The following KANK1 variants were observed in gnomAD, a reference collection of about 807,000 sequenced individuals.
KANK1 encodes KN motif and ankyrin repeat domain-containing protein 1.
KANK1 carries 109 observed loss-of-function variants against 106.2 expected under a neutral mutation model. That is an observed-to-expected ratio of 1.03 (90% CI 0.88 to 1.20). The LOEUF is 1.20. Ranked by LOEUF, KANK1 falls within the 50% of genes most tolerant of loss-of-function variation. The probability of loss-of-function intolerance (pLI) is 0.00; values close to 1 mark genes in which losing one functional copy is unlikely to be tolerated. For synonymous variants in KANK1, 873 were observed against 652.2 expected, an observed-to-expected ratio of 1.34 and a Z score of -5.16; for missense variants, 2,399 against 1,710.7, an observed-to-expected ratio of 1.40 and a Z score of -7.10.
rs186142559 is a variant in KANK1, at chr9:493,846, C to T, written c.-362+20573C>T. Among the ~76,000 whole-genome samples the T allele has an allele frequency of 1.4e-3, 200 of 144,792 alleles. 2 individuals carry two copies. Among genetic ancestry groups the T allele is most frequent in the African/African-American group, 5.0e-3 (195 of 39,114 alleles). The allele number at this position is 144,792 out of a possible 152,430, so 95.0% of individuals were successfully genotyped here. A position where few individuals can be genotyped will look rare whatever the true frequency, so the allele number is the denominator to read the frequency against. ...ACAGGCATGAGCCACCGCGCCTGGC[C>T]GGCAATTTATGTAGCAATAAATACT... On this transcript the variant is annotated intron_variant, in intron 3 of 15. Coordinates refer to the KANK1 transcript ENST00000382303.
intron 1 of KANK1, among the ~76,000 whole-genome samples, chr9:522,063 G>C (rs1272168275): frequency 6.6e-6 from 1 of 151,588 alleles, no homozygotes; most frequent in Non-Finnish European, 1.5e-5. Flanking sequence ...CATTTCTTGG[G>C]AAAATGTTTG....
At chr9:504,095 G>A (rs145299580), upstream of KANK1, among the ~76,000 whole-genome samples, 59 of 152,216 alleles carry the variant, frequency 3.9e-4, no homozygotes, top group African/African-American at 1.4e-3. Flanking sequence ...TGCACGCTCC[G>A]GTCCCCCTCA....
chr9:692,491 G>A (rs983733557), intron 2 of KANK1, among the ~76,000 whole-genome samples: 1 of 144,062 alleles, frequency 6.9e-6, no homozygotes, highest in Non-Finnish European at 1.5e-5. Context: ...AGAGATTTGG[G>A]TTAGATTTTT....
chr9:562,406 G>A (rs1242372254), intron 1 of KANK1, among the ~76,000 whole-genome samples: 1 of 152,176 alleles, frequency 6.6e-6, no homozygotes, highest in East Asian at 1.9e-4. Flanking sequence ...CTGCTTCTGG[G>A]GAAGATGGGA....
At chr9:527,333 C>T (rs1181937831) in intron 1 of KANK1, among the ~76,000 whole-genome samples, 1 of 151,734 alleles carries the variant, frequency 6.6e-6, no homozygotes, top group Non-Finnish European at 1.5e-5. Flanking sequence ...TGGAGTTTCA[C>T]TCTTGTCGCC....
At chr9:653,771 TAAA>T (rs906489024) in intron 1 of KANK1, among the ~76,000 whole-genome samples, 2 of 152,156 alleles carry the variant, frequency 1.3e-5, no homozygotes, top group Non-Finnish European at 2.9e-5. Context: ...TTTCTTCAAA[TAAA>T]AAAGAAGGAG....
At position 582,559 on chromosome 9, in the gene KANK1, G is replaced by C. The variant is rs530311059; in HGVS notation, c.-84+77805G>C. Among the ~76,000 whole-genome samples, 3 of 152,232 alleles carry C rather than the reference G, an allele frequency of 2.0e-5. No homozygotes were observed. In the South Asian group the frequency reaches 6.2e-4, roughly 32 times the overall value. Reference sequence around the variant, plus strand: ...TGACTACAACCAGTTTAGATGATCAGCTACCTTCCTTTTGCCATTATTTCA... The same window carrying C: ...TGACTACAACCAGTTTAGATGATCACCTACCTTCCTTTTGCCATTATTTCA... On this transcript the variant is annotated intron_variant, in intron 1 of 11. Transcript: ENST00000382297.
intron 2 of KANK1, among the ~76,000 whole-genome samples, chr9:700,023 A>G (rs945805022): frequency 6.6e-6 from 1 of 152,208 alleles, no homozygotes; most frequent in Non-Finnish European, 1.5e-5. Context: ...CTACCTACGT[A>G]TAACCTGAAG....
chr9:610,593 C>G (rs9299027), intron 1 of KANK1, among the ~76,000 whole-genome samples: 54,849 of 152,122 alleles, frequency 0.36, 12,287 homozygotes, highest in South Asian at 0.56. Context: ...AAATGATGTC[C>G]ATGCCCCCTT....
intron 3 of KANK1, among the ~76,000 whole-genome samples, chr9:475,400 A>G (rs1447294609): frequency 6.6e-6 from 1 of 152,234 alleles, no homozygotes; most frequent in Non-Finnish European, 1.5e-5. Flanking sequence ...CCGCAAGTCA[A>G]AGGTCAAACT....
chr9:511,651 T>C (rs1247569865), intron 1 of KANK1, among the ~76,000 whole-genome samples: 1 of 152,218 alleles, frequency 6.6e-6, no homozygotes, highest in Non-Finnish European at 1.5e-5. Context: ...TGTTATTCCC[T>C]TAATTTTTGA....
Position 583,372 on chromosome 9 carries a change from G to A in KANK1, c.-84+78618G>A, listed in dbSNP as rs116667790. ...CTTATTAAGTCCTCAGTAAGTAGCA[G>A]CAATTTTGCTTTTGTTTTTATGATG... On this transcript the variant is annotated intron_variant, in intron 1 of 11. Transcript: ENST00000382297. Among the ~76,000 whole-genome samples the A allele has an allele frequency of 2.3e-3, 351 of 152,224 alleles. 2 individuals carry two copies. Among genetic ancestry groups the A allele is most frequent in the African/African-American group, 8.0e-3 (333 of 41,534 alleles).
At chr9:549,150 C>T (rs2061116723) in intron 1 of KANK1, 2 of 151,794 alleles carry the variant, frequency 1.3e-5, no homozygotes, top group Admixed American at 6.6e-5. Context: ...AGCTTTTCAC[C>T]TTCTCTGATT....
At chr9:676,833 T>G (rs1816515065) in intron 1 of KANK1, 57 bp from the exon 2 acceptor site, 3 of 623,054 alleles carry the variant, frequency 4.8e-6, no homozygotes, top group Non-Finnish European at 5.5e-6. Flanking sequence ...AGTCTAAGAT[T>G]TAGTTTGTAC....
At position 742,352 on chromosome 9, in the gene KANK1, ATT is replaced by A; in HGVS notation, c.3845_3846del (p.Ile1282SerfsTer54). 1 of 1,614,042 alleles carries A rather than the reference ATT, an allele frequency of 6.2e-7. No individual in the cohort carries two copies. The highest frequency in any genetic ancestry group is 8.5e-7 in the Non-Finnish European group (1 of 1,179,998). On this transcript the variant is annotated frameshift_variant, in exon 10 of 12. Coordinates refer to ENST00000382297, the MANE Select transcript of KANK1 (RefSeq NM_015158.5). LOFTEE classifies it high-confidence loss of function. ...TGCCAGCGAGCACGGACACGTGGAG[ATT>A]GTCAAGCTGCTGCTGGCCCAGCCCG... ...MCASEHGHVEIVKLLLAQPGC... is the reference protein window; with the variant it reads ...MCASEHGHVEXVKLLLAQPGC...
chr9:519,295 G>T (rs936276788), intron 1 of KANK1, among the ~76,000 whole-genome samples: 1 of 151,764 alleles, frequency 6.6e-6, no homozygotes, highest in African/African-American at 2.4e-5. Context: ...CTTAGTAAGT[G>T]TTCTGAGTTT....
At chr9:643,733 C>T (rs1007746807) in intron 1 of KANK1, among the ~76,000 whole-genome samples, 5 of 149,808 alleles carry the variant, frequency 3.3e-5, no homozygotes, top group Admixed American at 6.6e-5. Context: ...GACAGAGTCT[C>T]GCTCTGTTGC....
intron 1 of KANK1, among the ~76,000 whole-genome samples, chr9:540,196 G>A (rs1200305985): frequency 6.6e-6 from 1 of 152,110 alleles, no homozygotes; most frequent in Non-Finnish European, 1.5e-5. Flanking sequence ...TTATTATGTC[G>A]AGGTCCATTC....
At chr9:652,158 T>C (rs549797536) in intron 1 of KANK1, among the ~76,000 whole-genome samples, 22 of 152,342 alleles carry the variant, frequency 1.4e-4, no homozygotes, top group African/African-American at 5.3e-4. Flanking sequence ...TAATTAATTA[T>C]TGCAAATATG....
Sources: gnomAD v4.1 joint callset for allele counts (sites outside exome capture counted in the v4.1 genomes callset) on GRCh38, gnomAD v4.1.1 for gene constraint, MANE v1.5 for transcripts, NCBI Gene and HGNC (gene_info 2026-07-23, HGNC 2026-07-21) for gene names.